ROBO2: variants seen among roughly 807,000 people sequenced by gnomAD.
ROBO2 encodes the protein roundabout guidance receptor 2.
In ROBO2, 53 loss-of-function variants were observed where a neutral mutation model predicts 160.8. That is an observed-to-expected ratio of 0.33 (90% CI 0.26 to 0.41). The LOEUF (loss-of-function observed/expected upper bound fraction) is 0.41, where lower values mean the gene tolerates loss of function less well. Ranked by LOEUF, ROBO2 falls within the 10% of genes least tolerant of loss-of-function variation. The pLI is 1.00. For missense variants in ROBO2, 1,577 were observed against 1,722.4 expected, an observed-to-expected ratio of 0.92 and a Z score of 1.49; for synonymous variants, 664 against 611.7, an observed-to-expected ratio of 1.09 and a Z score of -1.26.
intron 2 of ROBO2, among the ~76,000 whole-genome samples, chr3:76,603,345 AAAAAAAATATATATATATATATAT>A (rs2087349752): frequency 1.6e-5 from 1 of 62,388 alleles, no homozygotes; most frequent in African/African-American, 7.3e-5. Flanking sequence ...AAAAAAAAAA[AAAAAAAATATATATATATATATAT>A]ATATATATAT....
At chr3:77,506,063 G>A (rs1269229009) in intron 5 of ROBO2, among the ~76,000 whole-genome samples, 11 of 152,076 alleles carry the variant, frequency 7.2e-5, no homozygotes, top group African/African-American at 2.7e-4. Context: ...CATGCTCAAG[G>A]TCACAGGAAA....
intron 24 of ROBO2, among the ~76,000 whole-genome samples, chr3:77,635,270 G>A (rs918507639): frequency 1.2e-5 from 1 of 85,724 alleles, no homozygotes; most frequent in Non-Finnish European, 2.2e-5. Flanking sequence ...AATTTTTTGA[G>A]GTTGATTTTT....
intron 2 of ROBO2, among the ~76,000 whole-genome samples, chr3:76,801,663 G>A (rs1402415293): frequency 6.6e-6 from 1 of 151,910 alleles, no homozygotes; most frequent in Non-Finnish European, 1.5e-5. Flanking sequence ...CAATGATGCC[G>A]TTTTGCTTTC....
chr3:76,911,633 G>A (rs2075996798), intron 2 of ROBO2, among the ~76,000 whole-genome samples: 1 of 152,060 alleles, frequency 6.6e-6, no homozygotes, highest in Non-Finnish European at 1.5e-5. Flanking sequence ...ATTTTTCCTA[G>A]GTTCTCAGAT....
chr3:76,060,076 G>C (rs997207626), intron 2 of ROBO2, among the ~76,000 whole-genome samples: 1 of 149,894 alleles, frequency 6.7e-6, no homozygotes, highest in Non-Finnish European at 1.5e-5. Flanking sequence ...AAGGTACTTT[G>C]GTGTGATTTC....
At chr3:76,066,195 A>G (rs1027010145) in intron 2 of ROBO2, among the ~76,000 whole-genome samples, 1 of 152,148 alleles carries the variant, frequency 6.6e-6, no homozygotes, top group African/African-American at 2.4e-5. Context: ...TATATTTATC[A>G]TATCACACAA....
At chr3:76,834,830 C>T (rs1198023161) in intron 2 of ROBO2, among the ~76,000 whole-genome samples, 1 of 152,078 alleles carries the variant, frequency 6.6e-6, no homozygotes, top group Non-Finnish European at 1.5e-5. Context: ...TTTCATTGGC[C>T]AAAGCATTCC....
At chr3:76,457,419 C>G (rs2077823991) in intron 2 of ROBO2, among the ~76,000 whole-genome samples, 1 of 152,196 alleles carries the variant, frequency 6.6e-6, no homozygotes, top group African/African-American at 2.4e-5. Context: ...TATGCTAATG[C>G]AAGAGGTGGG....
At chr3:76,828,526 A>C (rs1419762064) in intron 2 of ROBO2, among the ~76,000 whole-genome samples, 1 of 152,154 alleles carries the variant, frequency 6.6e-6, no homozygotes, top group Non-Finnish European at 1.5e-5. Flanking sequence ...GAGCACCAAA[A>C]TTACTAGAGC....
chr3:76,618,450 A>AAT (rs1239528183), intron 2 of ROBO2, among the ~76,000 whole-genome samples: 1 of 150,132 alleles, frequency 6.7e-6, no homozygotes, highest in African/African-American at 2.5e-5. Context: ...TATATATATA[A>AAT]ATATATATAT....
intron 2 of ROBO2, among the ~76,000 whole-genome samples, chr3:77,149,837 GT>G (rs1424737476): frequency 1.3e-5 from 2 of 150,088 alleles, no homozygotes; most frequent in Admixed American, 1.3e-4. Context: ...GTCCATTAGT[GT>G]TGTGGTTCTC....
At chr3:76,304,652 C>A (rs1196564478) in intron 2 of ROBO2, among the ~76,000 whole-genome samples, 1 of 152,208 alleles carries the variant, frequency 6.6e-6, no homozygotes, top group Non-Finnish European at 1.5e-5. Context: ...GTTAGAGAGT[C>A]ACACAGCTAA....
chr3:77,103,057 T>G (rs1327268905), intron 2 of ROBO2, among the ~76,000 whole-genome samples: 1 of 152,078 alleles, frequency 6.6e-6, no homozygotes, highest in Non-Finnish European at 1.5e-5. Flanking sequence ...AGATAAAGTT[T>G]CCGTTCTGAA....
chr3:76,320,950 G>A (rs1156386434), intron 2 of ROBO2, among the ~76,000 whole-genome samples: 3 of 152,122 alleles, frequency 2.0e-5, no homozygotes, highest in Non-Finnish European at 4.4e-5. Flanking sequence ...AATATTTGTA[G>A]TCTATCTACT....
At chr3:76,355,504 C>T (rs1278680056) in intron 2 of ROBO2, among the ~76,000 whole-genome samples, 2 of 151,790 alleles carry the variant, frequency 1.3e-5, no homozygotes, top group Middle Eastern at 3.4e-3. Flanking sequence ...TGGATGGCAA[C>T]TGGTTGAGCT....
chr3:76,916,635 G>C (rs1163022339), intron 2 of ROBO2, among the ~76,000 whole-genome samples: 1 of 151,028 alleles, frequency 6.6e-6, no homozygotes, highest in African/African-American at 2.4e-5. Context: ...CACCACACTG[G>C]GCCTGATTTT....
chr3:76,592,721 T>C (rs778221093), intron 2 of ROBO2, among the ~76,000 whole-genome samples: 6 of 151,686 alleles, frequency 4.0e-5, no homozygotes, highest in Non-Finnish European at 8.8e-5. Context: ...GATGGGACTT[T>C]CTACTCCAAG....
intron 2 of ROBO2, among the ~76,000 whole-genome samples, chr3:76,822,481 TAAC>T (rs2066205449): frequency 6.6e-6 from 1 of 152,022 alleles, no homozygotes; most frequent in Admixed American, 6.6e-5. Context: ...AAATGGAAAT[TAAC>T]AATAATCATA....
At chr3:77,281,506 G>A (rs2060237620) in intron 2 of ROBO2, among the ~76,000 whole-genome samples, 1 of 150,516 alleles carries the variant, frequency 6.6e-6, no homozygotes, top group Non-Finnish European at 1.5e-5. Flanking sequence ...AGAAATGTAA[G>A]AAAAAAAAAA....
Sources: gnomAD v4.1 joint callset for allele counts (sites outside exome capture counted in the v4.1 genomes callset) on GRCh38, gnomAD v4.1.1 for gene constraint, MANE v1.5 for transcripts, NCBI Gene and HGNC (gene_info 2026-07-23, HGNC 2026-07-21) for gene names.